Variants in BMP7 observed in about 807,000 individuals in gnomAD.
The protein encoded by BMP7 is osteogenic protein 1.
Under a neutral mutation model 41.2 loss-of-function variants are expected in BMP7, and 12 were observed. The ratio of observed to expected loss-of-function variants is 0.29; its 90% CI spans 0.19 to 0.47. The LOEUF is 0.47. BMP7 is among the 20% of genes least tolerant of loss of function. The pLI is 0.99. For synonymous variants in BMP7, 248 were observed against 250.0 expected (o/e 0.99, Z 0.07); for missense variants, 467 against 606.0 (o/e 0.77, Z 2.41).
At chr20:57,198,701 C>T (rs78841107) in intron 3 of BMP7, among the ~76,000 whole-genome samples, 2,882 of 152,268 alleles carry the variant, frequency 0.019, 101 homozygotes, top group African/African-American at 0.065. Context: ...CCCCACCACC[C>T]GTGGCCAGAT....
chr20:57,234,968 C>G (rs1024246600), intron 1 of BMP7, among the ~76,000 whole-genome samples: 4 of 152,266 alleles, frequency 2.6e-5, no homozygotes, highest in Non-Finnish European at 5.9e-5. Context: ...GTGAATGCAC[C>G]TAGGGCAGGA....
rs2123052198 is a variant in BMP7 at position 57,169,269 on chromosome 20, A to G, written c.*1690T>C. 1 of 152,358 alleles carries G rather than the reference A, an allele frequency of 6.6e-6. No individual in the cohort carries two copies. Among genetic ancestry groups the G allele is most frequent in the Non-Finnish European group, 1.5e-5 (1 of 68,040 alleles). The allele number at this position is 152,358 out of a possible 1,614,324, so 9.4% of individuals were successfully genotyped here. A position where few individuals can be genotyped will look rare whatever the true frequency, so the allele number is the denominator to read the frequency against. On this transcript the variant is annotated 3_prime_UTR_variant, in exon 7 of 7. Coordinates refer to ENST00000395863, the MANE Select transcript of BMP7 (RefSeq NM_001719.3). ...CAAGATGGAGAAACAGTCCCCCACA[A>G]GACCGGGTTCCACATGGCCACAGTT...
intron 1 of BMP7, among the ~76,000 whole-genome samples, chr20:57,241,409 G>T (rs1009082373): frequency 5.9e-5 from 9 of 152,196 alleles, no homozygotes; most frequent in African/African-American, 2.2e-4. Context: ...CTGACAGCCT[G>T]AAGGTTTTGT....
chr20:57,231,913 C>T (rs2066030780), intron 1 of BMP7, among the ~76,000 whole-genome samples: 1 of 152,232 alleles, frequency 6.6e-6, no homozygotes, highest in African/African-American at 2.4e-5. Flanking sequence ...GTACAAAGCA[C>T]ATGTTTGCTG....
intron 2 of BMP7, among the ~76,000 whole-genome samples, chr20:57,207,853 C>T (rs6127970): frequency 0.072 from 8,492 of 118,008 alleles, 455 homozygotes; most frequent in East Asian, 0.23. Context: ...GACGGAGTCT[C>T]GCTCTGTCGC....
At position 57,214,456 on chromosome 20, in the gene BMP7, A is replaced by G. The variant is rs556485668; in HGVS notation, c.612-11833T>C. On this transcript the variant is annotated intron_variant, in intron 2 of 6. Coordinates refer to ENST00000395863, the MANE Select transcript of BMP7 (RefSeq NM_001719.3). The surrounding 1 kb of genome is among the most constrained non-coding windows in gnomAD (Gnocchi z 4.0). ...CAGTCCAAACCGAGAAACTGGGGAG[A>G]GAGAGGAGGCATTATTGTCAACTCC... 1.3e-5 allele frequency among the ~76,000 whole-genome samples: 2 copies of G among 152,206 alleles called. No homozygotes were observed. Among genetic ancestry groups the G allele is most frequent in the African/African-American group, 4.8e-5 (2 of 41,528 alleles).
At chr20:57,239,238 G>T (rs933172635) in intron 1 of BMP7, among the ~76,000 whole-genome samples, 14 of 152,164 alleles carry the variant, frequency 9.2e-5, no homozygotes, top group African/African-American at 3.1e-4. Flanking sequence ...TTCCAAATGG[G>T]AGAAATTGGC....
At chr20:57,203,853 A>G (rs1461165576) in intron 2 of BMP7, among the ~76,000 whole-genome samples, 2 of 152,202 alleles carry the variant, frequency 1.3e-5, no homozygotes, top group Non-Finnish European at 2.9e-5. Flanking sequence ...ATTATAGTGA[A>G]TCTTGTCTGC....
chr20:57,200,987 A>T (rs1259065164), intron 3 of BMP7, among the ~76,000 whole-genome samples: 1 of 152,144 alleles, frequency 6.6e-6, no homozygotes, highest in Non-Finnish European at 1.5e-5. Context: ...GACGAGGATG[A>T]TGACTGCTCT....
At chr20:57,205,708 C>T (rs1263005318) in intron 2 of BMP7, among the ~76,000 whole-genome samples, 1 of 152,134 alleles carries the variant, frequency 6.6e-6, no homozygotes, top group East Asian at 1.9e-4. Context: ...GAATGGTAAC[C>T]AAAGGAACAG....
intron 1 of BMP7, among the ~76,000 whole-genome samples, chr20:57,263,984 A>C (rs1038756756): frequency 7.9e-5 from 12 of 152,030 alleles, no homozygotes; most frequent in African/African-American, 2.7e-4. Flanking sequence ...CAGCCCACTC[A>C]TCTGCACCTT....
At chr20:57,230,906 T>A (rs1477760950) in intron 1 of BMP7, among the ~76,000 whole-genome samples, 2 of 151,946 alleles carry the variant, frequency 1.3e-5, no homozygotes, top group Non-Finnish European at 1.5e-5. Flanking sequence ...CTCAATCTCC[T>A]GACCTCGTGA....
chr20:57,183,608 C>T, intron 4 of BMP7, 114 bp downstream of exon 4: 2 of 1,379,050 alleles, frequency 1.5e-6, no homozygotes, highest in Non-Finnish European at 2.0e-6. Flanking sequence ...TATATTTGTT[C>T]CAGAGCCATC....
intron 1 of BMP7, chr20:57,244,118 C>T (rs1032764912): frequency 1.3e-5 from 2 of 152,230 alleles, no homozygotes; most frequent in African/African-American, 4.8e-5. Context: ...CCCAGAGTCA[C>T]ACGCGAGCTT....
At chr20:57,240,813 G>A (rs1477503602) in intron 1 of BMP7, among the ~76,000 whole-genome samples, 1 of 152,120 alleles carries the variant, frequency 6.6e-6, no homozygotes. Context: ...AACAGCATGG[G>A]AAAGACTGGA....
chr20:57,181,333 T>C (rs1984074594), intron 4 of BMP7, among the ~76,000 whole-genome samples: 1 of 151,808 alleles, frequency 6.6e-6, no homozygotes, highest in African/African-American at 2.4e-5. Flanking sequence ...AGGGAGGCCC[T>C]GTCTCTACAA....
chr20:57,266,172 C>T lies in BMP7; in HGVS notation c.-50G>A. 1 of 1,434,474 alleles carries T rather than the reference C, an allele frequency of 7.0e-7. No individual in the cohort carries two copies. The highest frequency in any genetic ancestry group is 9.1e-7 in the Non-Finnish European group (1 of 1,102,822). 88.9% of individuals were successfully genotyped at this position (1,434,474 alleles called of 1,614,324 possible). A position where few individuals can be genotyped will look rare whatever the true frequency, so the allele number is the denominator to read the frequency against. On this transcript the variant is annotated 5_prime_UTR_variant, in exon 1 of 7. Coordinates refer to ENST00000395863, the MANE Select transcript of BMP7 (RefSeq NM_001719.3). ...GGCTCCGGGCTCCGGGCCCGCACCG[C>T]CCCAGGTGGCAGAGGGGGCAGGCGG...
chr20:57,255,821 A>AAAAG (rs1223644243), intron 1 of BMP7, among the ~76,000 whole-genome samples: 54 of 149,966 alleles, frequency 3.6e-4, no homozygotes, highest in Non-Finnish European at 4.4e-4. Flanking sequence ...AAAAAAAAAA[A>AAAAG]AAAGAAAGAA....
rs559755667 is a variant in BMP7, at chr20:57,233,474, G to A, written c.419-5053C>T. Among the ~76,000 whole-genome samples, 66 of 152,308 alleles carry A rather than the reference G, an allele frequency of 4.3e-4. 1 individual carries two copies. The highest frequency in any genetic ancestry group is 1.2e-3 in the South Asian group (6 of 4,826). On this transcript the variant is annotated intron_variant, in intron 1 of 6. Transcript: ENST00000395863. ...AATAGCCCCAAAACCAGCCCTAAGA[G>A]GGGAAATTCTGGGCTGGAAGGTGTC...
Sources: gnomAD v4.1 joint callset for allele counts (sites outside exome capture counted in the v4.1 genomes callset) on GRCh38, gnomAD v4.1.1 for gene constraint, Gnocchi (gnomAD v3.1) non-coding constraint, MANE v1.5 for transcripts, NCBI Gene and HGNC (gene_info 2026-07-23, HGNC 2026-07-21) for gene names.